PIP5K1B: variants seen among roughly 807,000 people sequenced by gnomAD.
PIP5K1B encodes the protein phosphatidylinositol 4-phosphate 5-kinase type-1 beta.
Under a neutral mutation model 67.0 loss-of-function variants are expected in PIP5K1B, and 42 were observed. That is an observed-to-expected ratio of 0.63 (90% confidence interval 0.49 to 0.81). The LOEUF is 0.81. Among genes scored for constraint, PIP5K1B ranks in the 30% least tolerant of loss-of-function variants. The pLI is 0.00. For synonymous variants in PIP5K1B, 214 were observed against 231.4 expected (o/e 0.92, Z 0.68); for missense variants, 459 against 646.3 (o/e 0.71, Z 3.14).
In PIP5K1B at chr9:68,764,617, T is replaced by A. The variant is rs187155105; in HGVS notation, c.-86+21960T>A. On this transcript the variant is annotated intron_variant, in intron 2 of 15. Coordinates refer to ENST00000265382, the MANE Select transcript of PIP5K1B (RefSeq NM_003558.4). ...ATTTTACTGGATTTTCATACTACTGTTTAATGCTATAATGTTACCTTATAC... is the reference window on the plus strand; with the variant it reads ...ATTTTACTGGATTTTCATACTACTGATTAATGCTATAATGTTACCTTATAC... Among the ~76,000 whole-genome samples the A allele has an allele frequency of 3.9e-4, 59 of 152,232 alleles. No homozygotes were observed. In the East Asian group the frequency reaches 8.3e-3, roughly 21 times the overall value.
intron 14 of PIP5K1B, among the ~76,000 whole-genome samples, chr9:68,943,467 A>G (rs545691060): frequency 9.9e-5 from 15 of 152,170 alleles, no homozygotes; most frequent in African/African-American, 2.4e-5. Flanking sequence ...CCCAACCCTC[A>G]TTATTCAACT....
At chr9:68,937,419 A>G (rs1372045238) in intron 13 of PIP5K1B, among the ~76,000 whole-genome samples, 1 of 152,152 alleles carries the variant, frequency 6.6e-6, no homozygotes, top group Admixed American at 6.5e-5. Flanking sequence ...CTCTGATGGT[A>G]GTTTGTATTT....
chr9:68,838,047 GT>G (rs1373518476), intron 4 of PIP5K1B, among the ~76,000 whole-genome samples: 5 of 149,976 alleles, frequency 3.3e-5, no homozygotes, highest in Admixed American at 2.6e-4. Context: ...CTTATGTGGG[GT>G]TTTTTGTTAT....
intron 2 of PIP5K1B, among the ~76,000 whole-genome samples, chr9:68,768,116 G>A (rs1233553985): frequency 6.6e-6 from 1 of 152,162 alleles, no homozygotes; most frequent in African/African-American, 2.4e-5. Context: ...CATAAATATT[G>A]GGGAGGAAGT....
intron 8 of PIP5K1B, among the ~76,000 whole-genome samples, chr9:68,909,887 A>G (rs1490326640): frequency 6.6e-6 from 1 of 152,226 alleles, no homozygotes; most frequent in African/African-American, 2.4e-5. Flanking sequence ...TAATTTTATT[A>G]TATGTCTGCT....
chr9:68,844,625 G>C (rs1408520419), intron 4 of PIP5K1B, among the ~76,000 whole-genome samples: 1 of 151,994 alleles, frequency 6.6e-6, no homozygotes, highest in African/African-American at 2.4e-5. Context: ...GAGATCTAAT[G>C]GGGGAGAGCC....
chr9:68,960,718 C>A (rs1421330638), intron 14 of PIP5K1B, among the ~76,000 whole-genome samples: 1 of 152,214 alleles, frequency 6.6e-6, no homozygotes, highest in East Asian at 1.9e-4. Context: ...CCTTTAGTAT[C>A]CCGTTCTTTT....
At chr9:68,718,370 A>G (rs1827728275) in intron 1 of PIP5K1B, among the ~76,000 whole-genome samples, 1 of 152,208 alleles carries the variant, frequency 6.6e-6, no homozygotes, top group African/African-American at 2.4e-5. Context: ...AATTTATTTT[A>G]GTAAGAACCT....
At chr9:69,008,275 C>T (rs758520091) in intron 15 of PIP5K1B, among the ~76,000 whole-genome samples, 172 bp from the exon 16 acceptor site, 26 of 152,084 alleles carry the variant, frequency 1.7e-4, no homozygotes, top group Non-Finnish European at 3.4e-4. Flanking sequence ...TCAGGTCCAC[C>T]AAAGAAGTAT....
At chr9:68,879,103 A>G (rs758974789) in intron 6 of PIP5K1B, among the ~76,000 whole-genome samples, 29 of 152,242 alleles carry the variant, frequency 1.9e-4, no homozygotes, top group Non-Finnish European at 4.0e-4. Flanking sequence ...TTGACAAGAT[A>G]TTTGATGGTG....
At chr9:68,933,913 A>G (rs1024888073) in intron 12 of PIP5K1B, among the ~76,000 whole-genome samples, 2 of 152,156 alleles carry the variant, frequency 1.3e-5, no homozygotes, top group Non-Finnish European at 2.9e-5. Flanking sequence ...TGAGCTGTGT[A>G]ATCTAAGCTC....
intron 15 of PIP5K1B, among the ~76,000 whole-genome samples, chr9:69,005,883 T>TC (rs200469988): frequency 4.0e-5 from 6 of 148,250 alleles, no homozygotes; most frequent in South Asian, 2.1e-4. Context: ...ATTTCTTTCT[T>TC]TTTTTTTTTC....
intron 2 of PIP5K1B, chr9:68,788,433 A>G (rs933733420): frequency 1.9e-6 from 1 of 531,500 alleles, no homozygotes; most frequent in Admixed American, 3.0e-5. Flanking sequence ...CATCTTAACT[A>G]CAAGTTAATT....
chr9:68,740,753 C>T (rs986574883), intron 1 of PIP5K1B, among the ~76,000 whole-genome samples: 4 of 152,182 alleles, frequency 2.6e-5, no homozygotes, highest in Non-Finnish European at 4.4e-5. Context: ...TTCCTCATGG[C>T]GTATTTCCTT....
chr9:68,759,981 C>A (rs1333315251), intron 2 of PIP5K1B, among the ~76,000 whole-genome samples: 1 of 152,052 alleles, frequency 6.6e-6, no homozygotes, highest in African/African-American at 2.4e-5. Flanking sequence ...TTTCAAGCAG[C>A]AAACAGGGTT....
intron 5 of PIP5K1B, among the ~76,000 whole-genome samples, chr9:68,871,952 A>G (rs2132297765): frequency 6.6e-6 from 1 of 151,530 alleles, no homozygotes; most frequent in South Asian, 2.1e-4. Flanking sequence ...TTGAAGAAAT[A>G]TAAGGTAAAT....
At chr9:68,952,521 G>A (rs1828132673) in intron 14 of PIP5K1B, among the ~76,000 whole-genome samples, 1 of 151,962 alleles carries the variant, frequency 6.6e-6, no homozygotes, top group South Asian at 2.1e-4. Context: ...CATTTTGGTG[G>A]AACACATTTT....
At chr9:68,972,514 G>A (rs1268182950) in intron 14 of PIP5K1B, among the ~76,000 whole-genome samples, 1 of 152,168 alleles carries the variant, frequency 6.6e-6, no homozygotes, top group East Asian at 1.9e-4. Flanking sequence ...GGTGGTGTGT[G>A]CCTGTAGTCC....
intron 4 of PIP5K1B, among the ~76,000 whole-genome samples, chr9:68,861,535 G>A (rs753412222): frequency 2.6e-5 from 4 of 152,192 alleles, no homozygotes; most frequent in Non-Finnish European, 4.4e-5. Context: ...TGATGTTATC[G>A]TGGTGGTTTT....
Sources: gnomAD v4.1 joint callset for allele counts (sites outside exome capture counted in the v4.1 genomes callset) on GRCh38, gnomAD v4.1.1 for gene constraint, MANE v1.5 for transcripts, NCBI Gene and HGNC (gene_info 2026-07-23, HGNC 2026-07-21) for gene names.